The following RABGAP1L variants were observed in gnomAD, a reference collection of about 807,000 sequenced individuals.
RABGAP1L encodes rab GTPase-activating protein 1-like.
RABGAP1L carries 63 observed loss-of-function variants against 137.7 expected under a neutral mutation model. The ratio of observed to expected loss-of-function variants is 0.46; its 90% CI spans 0.37 to 0.56. The LOEUF is 0.56. RABGAP1L is among the 20% of genes least tolerant of loss of function. RABGAP1L has a pLI of 0.00. For synonymous variants in RABGAP1L, 431 were observed against 433.7 expected (o/e 0.99, Z 0.08); for missense variants, 1,095 against 1,244.0 (o/e 0.88, Z 1.80).
intron 1 of RABGAP1L, among the ~76,000 whole-genome samples, chr1:174,198,186 G>A (rs1667839465): frequency 1.3e-5 from 2 of 152,108 alleles, no homozygotes; most frequent in South Asian, 4.1e-4. Flanking sequence ...TGATTGAATA[G>A]TTCTTGGTAA....
intron 17 of RABGAP1L, among the ~76,000 whole-genome samples, chr1:174,712,201 G>A (rs899676091): frequency 9.8e-5 from 15 of 152,306 alleles, no homozygotes; most frequent in African/African-American, 3.1e-4. Context: ...TGTGGGTGGG[G>A]CCAGATAAGA....
At chr1:174,908,368 G>C (rs1421565826) in intron 19 of RABGAP1L, among the ~76,000 whole-genome samples, 1 of 151,998 alleles carries the variant, frequency 6.6e-6, no homozygotes, top group South Asian at 2.1e-4. Context: ...TCAGCACATG[G>C]AATATTCCCC....
At chr1:174,986,643 A>C (rs1671617513) in intron 24 of RABGAP1L, among the ~76,000 whole-genome samples, 1 of 152,238 alleles carries the variant, frequency 6.6e-6, no homozygotes, top group African/African-American at 2.4e-5. Flanking sequence ...TCTGTAGGAT[A>C]AAATCAGAAT....
At chr1:174,165,113 T>C (rs928824647) in intron 1 of RABGAP1L, among the ~76,000 whole-genome samples, 2 of 152,278 alleles carry the variant, frequency 1.3e-5, no homozygotes, top group Non-Finnish European at 2.9e-5. Flanking sequence ...AAGATAAAGA[T>C]AAGGAACTAT....
At chr1:174,958,076 G>C in intron 20 of RABGAP1L, 1 of 1,520,854 alleles carries the variant, frequency 6.6e-7, no homozygotes, top group Non-Finnish European at 8.8e-7. Context: ...CAGGTGAACT[G>C]TTCCAAGACT....
chr1:174,372,425 A>T (rs1041448366), intron 12 of RABGAP1L, among the ~76,000 whole-genome samples: 4 of 151,938 alleles, frequency 2.6e-5, no homozygotes, highest in Admixed American at 6.6e-5. Context: ...GATGTTAAAA[A>T]TTTTTTTTAA....
At chr1:174,418,117 T>C (rs768186927) in intron 13 of RABGAP1L, among the ~76,000 whole-genome samples, 3 of 152,220 alleles carry the variant, frequency 2.0e-5, no homozygotes, top group Admixed American at 6.5e-5. Flanking sequence ...TTGTTTTGCT[T>C]GTTGGTTGTG....
At chr1:174,352,400 G>A (rs1401557630) in intron 11 of RABGAP1L, among the ~76,000 whole-genome samples, 1 of 151,964 alleles carries the variant, frequency 6.6e-6, no homozygotes, top group Non-Finnish European at 1.5e-5. Flanking sequence ...TTCAGCTCCA[G>A]AATTTTTGCT....
chr1:174,827,519 T>C (rs1691706582), intron 19 of RABGAP1L, among the ~76,000 whole-genome samples: 2 of 125,756 alleles, frequency 1.6e-5, no homozygotes, highest in African/African-American at 5.6e-5. Context: ...GCATTTCTTC[T>C]CAATTTCTCT....
chr1:174,487,134 G>T (rs1659748764), intron 13 of RABGAP1L, among the ~76,000 whole-genome samples: 2 of 152,050 alleles, frequency 1.3e-5, no homozygotes, highest in African/African-American at 2.4e-5. Flanking sequence ...TATCTAGTAG[G>T]TTCATTTGTT....
intron 19 of RABGAP1L, among the ~76,000 whole-genome samples, chr1:174,908,537 C>CTTTTTTT (rs774387616): frequency 1.1e-5 from 1 of 94,416 alleles, no homozygotes; most frequent in Non-Finnish European, 2.0e-5. Flanking sequence ...ACAACATATT[C>CTTTTTTT]TTTTTTTTTT....
chr1:174,615,957 C>T (rs539563164), intron 13 of RABGAP1L, among the ~76,000 whole-genome samples: 1 of 152,206 alleles, frequency 6.6e-6, no homozygotes, highest in African/African-American at 2.4e-5. Flanking sequence ...GTGGGAGTTA[C>T]CCGATTTTCC....
At chr1:174,653,626 C>T (rs967390039) in intron 14 of RABGAP1L, among the ~76,000 whole-genome samples, 7 of 152,316 alleles carry the variant, frequency 4.6e-5, no homozygotes, top group Admixed American at 4.6e-4. Flanking sequence ...ATGAGATGAG[C>T]TGGTACCTGT....
rs1553297986 is a variant in RABGAP1L, at chr1:174,416,037, C to CAT, written c.1710+21893_1710+21894insTA. Among the ~76,000 whole-genome samples the CAT allele has an allele frequency of 2.9e-4, 37 of 126,274 alleles. 2 individuals carry two copies. The highest frequency in any genetic ancestry group is 7.7e-4 in the African/African-American group (21 of 27,296). 82.8% of individuals were successfully genotyped at this position (126,274 alleles called of 152,430 possible). A position where few individuals can be genotyped will look rare whatever the true frequency, so the allele number is the denominator to read the frequency against. On this transcript the variant is annotated intron_variant, in intron 13 of 25. Transcript: ENST00000681986. Reference sequence around the variant, plus strand: ...AAATTTACATATATATATATATATACACACACATTTTTTTTTTCCTGTTTG... The same window carrying CAT: ...AAATTTACATATATATATATATATACATACACACATTTTTTTTTTCCTGTTTG...
intron 13 of RABGAP1L, among the ~76,000 whole-genome samples, chr1:174,633,560 G>C (rs1572613781): frequency 6.8e-6 from 1 of 145,986 alleles, no homozygotes; most frequent in Non-Finnish European, 1.5e-5. Flanking sequence ...AACCAAAAAA[G>C]AGCCTGCATC....
At chr1:174,163,105 G>A (rs751583451) in intron 1 of RABGAP1L, among the ~76,000 whole-genome samples, 2 of 152,150 alleles carry the variant, frequency 1.3e-5, no homozygotes, top group Non-Finnish European at 2.9e-5. Flanking sequence ...TGGAGGCGGA[G>A]AAAGTACGGA....
chr1:174,470,286 T>G (rs1657766825), intron 13 of RABGAP1L, among the ~76,000 whole-genome samples: 1 of 152,154 alleles, frequency 6.6e-6, no homozygotes, highest in Non-Finnish European at 1.5e-5. Flanking sequence ...AAAAGCCAGT[T>G]TAGAAAAAAT....
intron 13 of RABGAP1L, among the ~76,000 whole-genome samples, chr1:174,601,725 GCT>G (rs1416964459): frequency 1.3e-5 from 2 of 152,008 alleles, no homozygotes; most frequent in African/African-American, 4.8e-5. Context: ...GAACTTTTAT[GCT>G]CTGTTTCCCT....
chr1:174,959,600 T>A (rs1668904568), intron 20 of RABGAP1L, among the ~76,000 whole-genome samples: 1 of 152,228 alleles, frequency 6.6e-6, no homozygotes, highest in Non-Finnish European at 1.5e-5. Flanking sequence ...AAGCAGGCAT[T>A]ACTTTTTAAG....
Sources: allele counts gnomAD v4.1 joint callset (sites outside exome capture counted in the v4.1 genomes callset), GRCh38; gene constraint gnomAD v4.1.1; transcripts MANE v1.5; gene names NCBI Gene and HGNC (gene_info 2026-07-23, HGNC 2026-07-21).